The following RPS6KC1 variants were observed in gnomAD, a reference collection of about 807,000 sequenced individuals.
The protein encoded by RPS6KC1 is inactive ribosomal protein S6 kinase delta-1.
RPS6KC1 carries 54 observed loss-of-function variants against 103.8 expected under a neutral mutation model. That is an observed-to-expected ratio of 0.52 (90% CI 0.42 to 0.65). The LOEUF is 0.65. Ranked by LOEUF, RPS6KC1 falls within the 30% of genes least tolerant of loss-of-function variation. RPS6KC1 has a pLI of 0.00. For missense variants in RPS6KC1, 1,151 were observed against 1,253.8 expected (o/e 0.92, Z 1.24); for synonymous variants, 439 against 438.7 (o/e 1.00, Z -0.01).
At chr1:213,639,531 G>T in the RPS6KC1 span, among the ~76,000 whole-genome samples, 6 of 151,858 alleles carry the variant, frequency 4.0e-5, no homozygotes, top group Admixed American at 6.6e-5. Flanking sequence ...AGAGTTTTTT[G>T]GGATTTTTTG....
chr1:213,324,134 G>C, the RPS6KC1 span, among the ~76,000 whole-genome samples: 1 of 152,166 alleles, frequency 6.6e-6, no homozygotes, highest in Non-Finnish European at 1.5e-5. Context: ...TTTATCTCCA[G>C]GAGCTTGCAA....
the RPS6KC1 span, among the ~76,000 whole-genome samples, chr1:213,662,766 A>G: frequency 6.6e-6 from 1 of 152,186 alleles, no homozygotes; most frequent in Non-Finnish European, 1.5e-5. Context: ...CCCAATGCCC[A>G]AGCTCACTGT....
the RPS6KC1 span, among the ~76,000 whole-genome samples, chr1:213,517,063 C>T: frequency 1.6e-4 from 24 of 152,194 alleles, no homozygotes; most frequent in African/African-American, 3.9e-4. Context: ...TCTGTGGGAT[C>T]GGTGGTGATA....
At position 213,232,251 on chromosome 1, in the gene RPS6KC1, G is replaced by A. The variant is rs202015199; in HGVS notation, c.1221G>A (p.Ala407=). The A allele has an allele frequency of 2.0e-5, 33 of 1,613,704 alleles. No homozygotes were observed. Among genetic ancestry groups the A allele is most frequent in the African/African-American group, 2.7e-5 (2 of 74,866 alleles). The change falls in exon 10 of 15, where the codon GCG becomes GCA. Residue 407 remains alanine (A), a synonymous_variant. Transcript: ENST00000366960. ...EESVFLVLQH[A]EGGKLWSYIS... ...CAGTATTTCTTGTGCTGCAGCATGC[G>A]GAAGGTTGGTTTGTAGTTTGGATTG... is the stretch of plus-strand genomic sequence containing the variant.
the RPS6KC1 span, among the ~76,000 whole-genome samples, chr1:213,580,607 G>A: frequency 6.6e-6 from 1 of 151,594 alleles, no homozygotes. Context: ...GTCGATTGAT[G>A]TGGCAAATTT....
intron 12 of RPS6KC1, among the ~76,000 whole-genome samples, chr1:213,254,020 C>T (rs1219018053): frequency 6.6e-6 from 1 of 152,150 alleles, no homozygotes. Context: ...ACCAAGACAG[C>T]ATTATTTTTC....
At chr1:213,347,345 G>A in the RPS6KC1 span, among the ~76,000 whole-genome samples, 66 of 152,146 alleles carry the variant, frequency 4.3e-4, no homozygotes, top group Non-Finnish European at 5.3e-4. Flanking sequence ...CTTTATTTTA[G>A]AGGAGATTAG....
intron 12 of RPS6KC1, among the ~76,000 whole-genome samples, chr1:213,259,365 T>C (rs2149085817): frequency 6.6e-6 from 1 of 151,864 alleles, no homozygotes; most frequent in African/African-American, 2.4e-5. Context: ...TTCGAGAACA[T>C]ACAGGGCAAC....
rs2083775327 is a variant in RPS6KC1, at chr1:213,117,366, A to G, written c.428A>G (p.His143Arg). ...SSELIGPAEA[H>R]SDSLIDTFPE... ...GAATTAATTGGTCCTGCTGAAGCTC[A>G]CTCAGATTCCCTCATTGATACCTTT... The change falls in exon 5 of 15, where the codon CAC becomes CGC. Residue 143 changes from histidine to arginine, a missense_variant. By Grantham distance (29) the His-to-Arg change is conservative. Coordinates refer to ENST00000366960, the MANE Select transcript of RPS6KC1 (RefSeq NM_012424.6). 1 of 1,611,252 alleles carries G rather than the reference A, an allele frequency of 6.2e-7. No homozygotes were observed. Among genetic ancestry groups the G allele is most frequent in the Non-Finnish European group, 8.5e-7 (1 of 1,177,844 alleles).
the RPS6KC1 span, among the ~76,000 whole-genome samples, chr1:213,613,734 C>T: frequency 6.6e-6 from 1 of 152,184 alleles, no homozygotes; most frequent in Non-Finnish European, 1.5e-5. Flanking sequence ...GTGCTAAAGT[C>T]ACACAGTCTG....
chr1:213,652,630 G>T, the RPS6KC1 span, among the ~76,000 whole-genome samples: 2 of 152,190 alleles, frequency 1.3e-5, no homozygotes, highest in African/African-American at 4.8e-5. Flanking sequence ...TGCGGCTTCT[G>T]GTTCCCTGCT....
Position 213,217,292 on chromosome 1 carries a change from G to A in RPS6KC1, c.1045-13205G>A, listed in dbSNP as rs373911303. Among the ~76,000 whole-genome samples the A allele has an allele frequency of 7.2e-5, 11 of 152,048 alleles. No individual in the cohort carries two copies. In the South Asian group the frequency reaches 2.3e-3, roughly 32 times the overall value. ...TCTAGAAGAAATGGATAAATTCCTT[G>A]ACACATACACCCTCCCAAGACTAAA... On this transcript the variant is annotated intron_variant, in intron 8 of 14. Transcript: ENST00000366960.
chr1:213,646,428 T>G, the RPS6KC1 span, among the ~76,000 whole-genome samples: 3 of 152,050 alleles, frequency 2.0e-5, no homozygotes, highest in Non-Finnish European at 4.4e-5. Flanking sequence ...AAGTATCTTG[T>G]GGGGAGAAAT....
At chr1:213,447,802 G>A in the RPS6KC1 span, among the ~76,000 whole-genome samples, 4 of 152,086 alleles carry the variant, frequency 2.6e-5, no homozygotes, top group African/African-American at 9.7e-5. Flanking sequence ...TTAAAAGTTA[G>A]CATTTAGAAA....
chr1:213,336,940 T>G, the RPS6KC1 span, among the ~76,000 whole-genome samples: 2 of 152,174 alleles, frequency 1.3e-5, no homozygotes, highest in African/African-American at 2.4e-5. Context: ...AGTGGTATCT[T>G]TGGCACTGTG....
the RPS6KC1 span, among the ~76,000 whole-genome samples, chr1:213,312,788 G>A: frequency 6.6e-6 from 1 of 152,142 alleles, no homozygotes; most frequent in Non-Finnish European, 1.5e-5. Flanking sequence ...CTTTCTCGAG[G>A]TGTTTTGAGT....
At chr1:213,540,411 T>A in the RPS6KC1 span, among the ~76,000 whole-genome samples, 26 of 152,188 alleles carry the variant, frequency 1.7e-4, no homozygotes, top group Admixed American at 1.3e-3. Flanking sequence ...TGGTGTGTTC[T>A]TGGCTTACTG....
At chr1:213,352,357 A>G in the RPS6KC1 span, among the ~76,000 whole-genome samples, 2 of 152,326 alleles carry the variant, frequency 1.3e-5, no homozygotes, top group South Asian at 2.1e-4. Context: ...GTATCAAGTA[A>G]TAAGTACAAA....
chr1:213,779,595 A>G, the RPS6KC1 span, among the ~76,000 whole-genome samples: 1 of 152,204 alleles, frequency 6.6e-6, no homozygotes, highest in African/African-American at 2.4e-5. Context: ...AATGAATCAC[A>G]ACATAAGATC....
Sources: gnomAD v4.1 joint callset for allele counts (sites outside exome capture counted in the v4.1 genomes callset) on GRCh38, gnomAD v4.1.1 for gene constraint, MANE v1.5 for transcripts, NCBI Gene and HGNC (gene_info 2026-07-23, HGNC 2026-07-21) for gene names.